Variants in SGIP1 observed in about 807,000 individuals in gnomAD.
The protein encoded by SGIP1 is SH3GL interacting endocytic adaptor 1, also known as SH3-containing GRB2-like protein 3-interacting protein 1.
A neutral mutation model predicts 107.5 loss-of-function variants in SGIP1; 38 were observed. The ratio of observed to expected loss-of-function variants is 0.35; its 90% confidence interval spans 0.27 to 0.46. The LOEUF (loss-of-function observed/expected upper bound fraction) is 0.46. Ranked by LOEUF, SGIP1 falls within the 20% of genes least tolerant of loss-of-function variation. The probability of loss-of-function intolerance (pLI) is 1.00; values close to 1 mark genes in which losing one functional copy is unlikely to be tolerated. For missense variants in SGIP1, 929 were observed against 1,019.5 expected (o/e 0.91, Z 1.21); for synonymous variants, 365 against 366.1 (o/e 1.00, Z 0.03).
intron 7 of SGIP1, among the ~76,000 whole-genome samples, chr1:66,658,524 T>C (rs965789866): frequency 1.3e-5 from 2 of 152,176 alleles, no homozygotes; most frequent in Non-Finnish European, 2.9e-5. Context: ...AACAATTTAT[T>C]TTTTATATTT....
At chr1:66,712,595 T>C (rs2092990469) in intron 18 of SGIP1, among the ~76,000 whole-genome samples, 1 of 152,152 alleles carries the variant, frequency 6.6e-6, no homozygotes, top group Non-Finnish European at 1.5e-5. Flanking sequence ...TCTAATTTTT[T>C]CTTTCTCTTC....
At chr1:66,624,670 T>C (rs2149302831) in intron 1 of SGIP1, among the ~76,000 whole-genome samples, 1 of 152,344 alleles carries the variant, frequency 6.6e-6, no homozygotes, top group East Asian at 1.9e-4. Flanking sequence ...TCATTGTTTT[T>C]CCCTTTGTTC....
intron 1 of SGIP1, among the ~76,000 whole-genome samples, chr1:66,590,317 C>T (rs1417595272): frequency 6.6e-6 from 1 of 152,108 alleles, no homozygotes; most frequent in Non-Finnish European, 1.5e-5. Context: ...TAGAATCTAC[C>T]CACATCTGTT....
Position 66,741,925 on chromosome 1 carries a change from G to T in SGIP1, c.2464+489G>T, listed in dbSNP as rs111292410. ...TGGGACTACAGGCGCCCACCACCAC[G>T]CATGGCTAATTTTTTGTATTTTAGT... On this transcript the variant is annotated intron_variant, in intron 24 of 24. Coordinates refer to ENST00000371037, the MANE Select transcript of SGIP1 (RefSeq NM_032291.4). Among the ~76,000 whole-genome samples, 239 of 151,944 alleles carry T rather than the reference G, an allele frequency of 1.6e-3. 1 individual carries two copies. The highest frequency in any genetic ancestry group is 5.5e-3 in the African/African-American group (229 of 41,456).
intron 1 of SGIP1, among the ~76,000 whole-genome samples, chr1:66,542,586 A>G (rs1291386985): frequency 6.6e-6 from 1 of 152,184 alleles, no homozygotes; most frequent in African/African-American, 2.4e-5. Flanking sequence ...TGGACAAAGG[A>G]CTGATTCGTG....
At chr1:66,588,160 G>A (rs2062937873) in intron 1 of SGIP1, among the ~76,000 whole-genome samples, 1 of 152,028 alleles carries the variant, frequency 6.6e-6, no homozygotes, top group Admixed American at 6.6e-5. Flanking sequence ...CTTCCAGTGG[G>A]GCCATGTTTT....
Position 66,706,470 on chromosome 1 carries a change from A to C in SGIP1, c.1630+10977A>C, listed in dbSNP as rs557738192. 2.7e-5 allele frequency among the ~76,000 whole-genome samples: 4 copies of C among 147,350 alleles called. No individual in the cohort carries two copies. The East Asian group carries it at 5.9e-4, about 22-fold the overall frequency. ...CATTTATATATAATATAAATTATAA[A>C]TATTTTAATAAATATTTATGACAGT... On this transcript the variant is annotated intron_variant, in intron 18 of 24. Coordinates refer to ENST00000371037, the MANE Select transcript of SGIP1 (RefSeq NM_032291.4).
intron 9 of SGIP1, among the ~76,000 whole-genome samples, chr1:66,669,406 C>T (rs2083286651): frequency 6.6e-6 from 1 of 152,172 alleles, no homozygotes; most frequent in Non-Finnish European, 1.5e-5. Context: ...TTTTAGGCCT[C>T]ACAGTACTAG....
chr1:66,599,629 C>T (rs1409454257), intron 1 of SGIP1, among the ~76,000 whole-genome samples: 2 of 152,298 alleles, frequency 1.3e-5, no homozygotes, highest in Admixed American at 6.5e-5. Flanking sequence ...TATTTAACTA[C>T]GGGTGTATTT....
intron 15 of SGIP1, among the ~76,000 whole-genome samples, chr1:66,684,618 A>G (rs887535459): frequency 6.6e-6 from 1 of 152,206 alleles, no homozygotes; most frequent in Non-Finnish European, 1.5e-5. Context: ...CTCCAAGGGT[A>G]GGCCACAATG....
At chr1:66,740,783 G>T in intron 23 of SGIP1, 61 bp downstream of exon 23, 1 of 1,114,570 alleles carries the variant, frequency 9.0e-7, no homozygotes, top group Non-Finnish European at 1.3e-6. Flanking sequence ...TTAGGTATTT[G>T]CCAACTATTA....
At chr1:66,622,862 CAAA>C (rs936022671) in intron 1 of SGIP1, among the ~76,000 whole-genome samples, 5 of 152,120 alleles carry the variant, frequency 3.3e-5, no homozygotes, top group Middle Eastern at 3.4e-3. Flanking sequence ...AAATAGTTGA[CAAA>C]AAAATTTGTG....
intron 1 of SGIP1, among the ~76,000 whole-genome samples, chr1:66,596,945 TG>T (rs1260180535): frequency 6.6e-6 from 1 of 152,180 alleles, no homozygotes; most frequent in African/African-American, 2.4e-5. Flanking sequence ...TCAAGGTAGC[TG>T]TATTCTTAAA....
At chr1:66,690,709 G>T (rs1327814739) in intron 17 of SGIP1, among the ~76,000 whole-genome samples, 15 of 152,178 alleles carry the variant, frequency 9.9e-5, no homozygotes, top group Non-Finnish European at 2.2e-4. Flanking sequence ...ACAAAATTTA[G>T]AACTTGTATT....
intron 1 of SGIP1, among the ~76,000 whole-genome samples, chr1:66,603,005 T>C (rs2066161185): frequency 6.6e-6 from 1 of 152,238 alleles, no homozygotes; most frequent in African/African-American, 2.4e-5. Context: ...GTTTTTGTTC[T>C]TGTTTTCTCT....
Position 66,710,334 on chromosome 1 carries a change from A to G in SGIP1, c.1631-8960A>G, listed in dbSNP as rs139905482. Among the ~76,000 whole-genome samples the G allele has an allele frequency of 2.8e-3, 428 of 152,208 alleles. 2 individuals are homozygous for G. Among genetic ancestry groups the G allele is most frequent in the Non-Finnish European group, 4.7e-3 (320 of 68,004 alleles). On this transcript the variant is annotated intron_variant, in intron 18 of 24. Transcript: ENST00000371037. ...GCATCTGGTGCTGAGGAGAGCCTGA[A>G]ACTGTATGTTACATGACACGACTGT...
intron 18 of SGIP1, among the ~76,000 whole-genome samples, chr1:66,698,713 GT>G (rs2091407839): frequency 6.6e-6 from 1 of 152,024 alleles, no homozygotes; most frequent in African/African-American, 2.4e-5. Context: ...ATCAAAGACT[GT>G]ATCCTATTGA....
At chr1:66,695,251 G>C (rs1330127525) in intron 17 of SGIP1, 183 bp from the exon 18 acceptor site, 1 of 842,598 alleles carries the variant, frequency 1.2e-6, no homozygotes, top group Non-Finnish European at 1.5e-6. Context: ...TCTGTTTCCT[G>C]AACTAAAAAA....
At chr1:66,725,848 C>A (rs1254005268) in intron 19 of SGIP1, among the ~76,000 whole-genome samples, 2 of 152,086 alleles carry the variant, frequency 1.3e-5, no homozygotes, top group African/African-American at 4.8e-5. Flanking sequence ...CAAAACTGGC[C>A]GAGGGAATTG....
Sources: gnomAD v4.1 joint callset for allele counts (sites outside exome capture counted in the v4.1 genomes callset) on GRCh38, gnomAD v4.1.1 for gene constraint, MANE v1.5 for transcripts, NCBI Gene and HGNC (gene_info 2026-07-23, HGNC 2026-07-21) for gene names.